RAVER2: variants seen among roughly 807,000 people sequenced by gnomAD.
RAVER2 encodes the protein ribonucleoprotein PTB-binding 2.
Under a neutral mutation model 78.1 loss-of-function variants are expected in RAVER2, and 46 were observed. The ratio of observed to expected loss-of-function variants is 0.59; its 90% CI spans 0.46 to 0.75. The LOEUF (loss-of-function observed/expected upper bound fraction) is 0.75. RAVER2 is among the 30% of genes least tolerant of loss of function. RAVER2 has a pLI of 0.00. For synonymous variants in RAVER2, 311 were observed against 313.3 expected, an observed-to-expected ratio of 0.99 and a Z score of 0.08; for missense variants, 793 against 837.5, an observed-to-expected ratio of 0.95 and a Z score of 0.66.
intron 11 of RAVER2, among the ~76,000 whole-genome samples, chr1:64,826,324 T>C (rs551028423): frequency 6.6e-5 from 10 of 152,172 alleles, no homozygotes; most frequent in African/African-American, 2.4e-4. Flanking sequence ...GTCTGGGAAG[T>C]CTTGGAGTTT....
chr1:64,781,631 A>G (rs1652631810), intron 4 of RAVER2, 60 bp downstream of exon 4: 4 of 1,497,450 alleles, frequency 2.7e-6, no homozygotes, highest in Non-Finnish European at 3.6e-6. Flanking sequence ...ATACTATTTT[A>G]ATCTATCCAG....
At chr1:64,833,131 C>T (rs528764693) in exon 12 of RAVER2, 1 of 184,316 alleles carries the variant, frequency 5.4e-6, no homozygotes, top group East Asian at 8.9e-5. Flanking sequence ...GTAACCCACC[C>T]CTTCCTCCCC....
At chr1:64,757,305 G>A (rs1373261416) in intron 1 of RAVER2, among the ~76,000 whole-genome samples, 2 of 152,126 alleles carry the variant, frequency 1.3e-5, no homozygotes, top group African/African-American at 4.8e-5. Flanking sequence ...TTGATATGTT[G>A]AAGCCCCAAC....
At chr1:64,822,184 AG>A (rs1432011183) in intron 11 of RAVER2, among the ~76,000 whole-genome samples, 1 of 152,130 alleles carries the variant, frequency 6.6e-6, no homozygotes, top group Admixed American at 6.5e-5. Flanking sequence ...GCTACTCGGG[AG>A]GCTGAGGCAG....
exon 4 of RAVER2, chr1:64,781,539 A>T: frequency 1.2e-6 from 2 of 1,613,872 alleles, no homozygotes; most frequent in Non-Finnish European, 1.7e-6. Context: ...AGGGCGAAGT[A>T]CATTAGCAGC....
At chr1:64,760,638 A>G (rs907738672) in intron 1 of RAVER2, among the ~76,000 whole-genome samples, 1 of 152,130 alleles carries the variant, frequency 6.6e-6, no homozygotes, top group Admixed American at 6.6e-5. Context: ...TGTATAGGGC[A>G]TGTTAGGGAA....
intron 5 of RAVER2, among the ~76,000 whole-genome samples, chr1:64,792,129 A>AT (rs150967534): frequency 2.0e-5 from 3 of 152,122 alleles, no homozygotes; most frequent in African/African-American, 7.2e-5. Context: ...TAGAGATGGT[A>AT]TTTTTTTCTG....
chr1:64,778,152 A>G, intron 3 of RAVER2, 60 bp downstream of exon 3: 1 of 1,173,560 alleles, frequency 8.5e-7, no homozygotes, highest in Non-Finnish European at 1.2e-6. Flanking sequence ...TATCTAATCT[A>G]CATACACTCA....
chr1:64,831,913 AAC>A (rs1363311651), exon 12 of RAVER2: 2 of 152,208 alleles, frequency 1.3e-5, no homozygotes, highest in Non-Finnish European at 2.9e-5. Context: ...GATTAGCTTC[AAC>A]AGAGACTGTA....
chr1:64,778,427 A>G (rs752418678), intron 3 of RAVER2, among the ~76,000 whole-genome samples: 22 of 152,188 alleles, frequency 1.4e-4, no homozygotes, highest in Non-Finnish European at 2.9e-4. Flanking sequence ...CACTATGCCA[A>G]GTGTCAGAAA....
At chr1:64,748,174 G>A (rs1329226455) in intron 1 of RAVER2, among the ~76,000 whole-genome samples, 1 of 152,134 alleles carries the variant, frequency 6.6e-6, no homozygotes, top group Non-Finnish European at 1.5e-5. Context: ...TTTATATTAA[G>A]TTCTCAAAAG....
At chr1:64,830,881 A>G (rs1654110768) in exon 12 of RAVER2, 3 of 1,611,210 alleles carry the variant, frequency 1.9e-6, no homozygotes, top group Non-Finnish European at 8.5e-7. Context: ...ATCATATCTC[A>G]TCTCTGCCCC....
chr1:64,796,985 G>T (rs951649928), intron 5 of RAVER2, among the ~76,000 whole-genome samples: 2 of 151,968 alleles, frequency 1.3e-5, no homozygotes, highest in Non-Finnish European at 2.9e-5. Flanking sequence ...TGGTCAGTTG[G>T]TTATTTGTGT....
chr1:64,776,910 G>A (rs950053457), intron 2 of RAVER2, among the ~76,000 whole-genome samples: 4 of 152,054 alleles, frequency 2.6e-5, no homozygotes, highest in Non-Finnish European at 5.9e-5. Context: ...CTTGATGCTG[G>A]AACAACTTCA....
intron 11 of RAVER2, among the ~76,000 whole-genome samples, chr1:64,830,314 AGACCAAAGCTCT>A (rs1349553208): frequency 1.3e-5 from 2 of 152,198 alleles, no homozygotes; most frequent in Non-Finnish European, 2.9e-5. Context: ...ATTATTGTGG[AGACCAAAGCTCT>A]GAGTTTCCCA....
At chr1:64,748,762 A>G (rs1651612954) in intron 1 of RAVER2, among the ~76,000 whole-genome samples, 1 of 152,224 alleles carries the variant, frequency 6.6e-6, no homozygotes, top group Non-Finnish European at 1.5e-5. Context: ...GCATGAAATG[A>G]TAGGACAGCA....
exon 5 of RAVER2, chr1:64,789,497 G>A: frequency 1.2e-6 from 2 of 1,605,410 alleles, no homozygotes; most frequent in African/African-American, 2.7e-5. Context: ...CAGTTATGTG[G>A]ACGAGCTGTT....
intron 11 of RAVER2, among the ~76,000 whole-genome samples, chr1:64,829,362 A>G (rs1448644373): frequency 6.6e-6 from 1 of 152,188 alleles, no homozygotes; most frequent in African/African-American, 2.4e-5. Context: ...GATGACTTCT[A>G]AGAGGAGGAA....
intron 4 of RAVER2, among the ~76,000 whole-genome samples, chr1:64,785,958 TA>T (rs1351479608): frequency 6.6e-6 from 1 of 152,220 alleles, no homozygotes; most frequent in East Asian, 1.9e-4. Context: ...TTTTGAAAGA[TA>T]GTATTCTTGT....
Sources: gnomAD v4.1 joint callset for allele counts (sites outside exome capture counted in the v4.1 genomes callset) on GRCh38, gnomAD v4.1.1 for gene constraint, MANE v1.5 for transcripts, NCBI Gene and HGNC (gene_info 2026-07-23, HGNC 2026-07-21) for gene names.